The following FOXN2 variants were observed in gnomAD, a reference collection of about 807,000 sequenced individuals.
FOXN2 encodes the protein forkhead box N2.
In FOXN2, 19 loss-of-function variants were observed where a neutral mutation model predicts 41.2. That is an observed-to-expected ratio of 0.46 (90% CI 0.32 to 0.68). The LOEUF is 0.68. Among genes scored for constraint, FOXN2 ranks in the 30% least tolerant of loss-of-function variants. The probability of loss-of-function intolerance (pLI) is 0.03; values close to 1 mark genes in which losing one functional copy is unlikely to be tolerated. For missense variants in FOXN2, 587 were observed against 509.4 expected (o/e 1.15, Z -1.47); for synonymous variants, 195 against 176.8 (o/e 1.10, Z -0.82).
intron 2 of FOXN2, among the ~76,000 whole-genome samples, chr2:48,336,760 CAA>C (rs1670389592): frequency 2.0e-5 from 3 of 150,958 alleles, no homozygotes; most frequent in Admixed American, 1.3e-4. Context: ...TACAAGGAAA[CAA>C]AGGAAAATGT....
At chr2:48,339,796 C>T (rs6545034) in intron 2 of FOXN2, among the ~76,000 whole-genome samples, 65,557 of 151,620 alleles carry the variant, frequency 0.43, 14,363 homozygotes, top group East Asian at 0.52. Flanking sequence ...AGAGAAATTT[C>T]TGACACTTGT....
At chr2:48,335,004 C>T (rs978927396) in intron 2 of FOXN2, among the ~76,000 whole-genome samples, 5 of 152,092 alleles carry the variant, frequency 3.3e-5, no homozygotes, top group African/African-American at 1.2e-4. Context: ...TTACTACTCC[C>T]AAGGGCCTGA....
In FOXN2 at chr2:48,375,743, T is replaced by C. The variant is rs1673214222; in HGVS notation, c.*300T>C. ...CTGTCTTAAACTTGTGGGACAAAAA[T>C]CCTTTCTTCTGTTAATATGTCAGAA... On this transcript the variant is annotated 3_prime_UTR_variant, in exon 7 of 7. Coordinates refer to ENST00000340553, the MANE Select transcript of FOXN2 (RefSeq NM_002158.4). The C allele has an allele frequency of 4.4e-6, 1 of 228,952 alleles. No homozygotes were observed. The highest frequency in any genetic ancestry group is 2.3e-5 in the African/African-American group (1 of 44,172). 14.2% of individuals were successfully genotyped at this position (228,952 alleles called of 1,614,324 possible).
chr2:48,376,589 TAAC>T lies in FOXN2; in HGVS notation c.*1150_*1152del, dbSNP rs1486553099. Reference sequence around the variant, plus strand: ...AATACACCTTTTTGAGGAGGCAGTGTAACAACCTATAGTGCCATTGATCCATGA... The same window carrying T: ...AATACACCTTTTTGAGGAGGCAGTGTAACCTATAGTGCCATTGATCCATGA... On this transcript the variant is annotated 3_prime_UTR_variant, in exon 7 of 7. Transcript: ENST00000340553. The T allele has an allele frequency of 3.3e-5, 5 of 152,516 alleles. No individual in the cohort carries two copies. The highest frequency in any genetic ancestry group is 7.4e-5 in the Non-Finnish European group (5 of 67,938). 9.4% of individuals were successfully genotyped at this position (152,516 alleles called of 1,614,324 possible). A position where few individuals can be genotyped will look rare whatever the true frequency, so the allele number is the denominator to read the frequency against.
intron 2 of FOXN2, among the ~76,000 whole-genome samples, chr2:48,337,014 A>G (rs935248631): frequency 6.6e-5 from 10 of 151,916 alleles, no homozygotes; most frequent in African/African-American, 1.9e-4. Flanking sequence ...ATTATTGACT[A>G]TAGTCACCCT....
At chr2:48,338,120 A>T (rs1164760358) in intron 2 of FOXN2, among the ~76,000 whole-genome samples, 1 of 152,224 alleles carries the variant, frequency 6.6e-6, no homozygotes, top group African/African-American at 2.4e-5. Flanking sequence ...CTGTTATAAT[A>T]CCAACTCAGT....
At chr2:48,357,756 T>C (rs1671898495) in intron 3 of FOXN2, among the ~76,000 whole-genome samples, 1 of 151,876 alleles carries the variant, frequency 6.6e-6, no homozygotes, top group Non-Finnish European at 1.5e-5. Flanking sequence ...ATTTTTTTCC[T>C]TGTCATCAAA....
At position 48,377,998 on chromosome 2, in the gene FOXN2, CAT is replaced by C. The variant is rs1558647764; in HGVS notation, c.*2556_*2557del. ...CAACTTAGAAACTCCAAGGAGGTTA[CAT>C]GTTTTCCAACATATCCTAAAAACTG... is the stretch of plus-strand genomic sequence containing the variant. On this transcript the variant is annotated 3_prime_UTR_variant, in exon 7 of 7. Coordinates refer to ENST00000340553, the MANE Select transcript of FOXN2 (RefSeq NM_002158.4). The C allele has an allele frequency of 6.6e-6, 1 of 152,098 alleles. No homozygotes were observed. Among genetic ancestry groups the C allele is most frequent in the Non-Finnish European group, 1.5e-5 (1 of 67,904 alleles). 9.4% of individuals were successfully genotyped at this position (152,098 alleles called of 1,614,324 possible).
chr2:48,351,431 G>A (rs1301655062), intron 3 of FOXN2, among the ~76,000 whole-genome samples: 2 of 152,156 alleles, frequency 1.3e-5, no homozygotes, highest in Non-Finnish European at 2.9e-5. Flanking sequence ...TATCATAATA[G>A]CAACATGAAC....
intron 2 of FOXN2, among the ~76,000 whole-genome samples, chr2:48,334,277 C>G (rs932408605): frequency 6.6e-6 from 1 of 152,106 alleles, no homozygotes; most frequent in Non-Finnish European, 1.5e-5. Flanking sequence ...ATTTGCAACA[C>G]TTGTGTGGCC....
intron 2 of FOXN2, among the ~76,000 whole-genome samples, chr2:48,344,901 G>A (rs982199357): frequency 4.1e-5 from 6 of 148,128 alleles, no homozygotes; most frequent in South Asian, 4.2e-4. Context: ...GATAATAGTC[G>A]GTTTTTCACT....
chr2:48,314,978 T>C (rs890536114), intron 1 of FOXN2, among the ~76,000 whole-genome samples, 164 bp downstream of exon 1: 4 of 152,004 alleles, frequency 2.6e-5, no homozygotes, highest in Non-Finnish European at 5.9e-5. Context: ...GTGAGGAATT[T>C]GCGCCGGCGC....
intron 1 of FOXN2, among the ~76,000 whole-genome samples, chr2:48,318,832 A>T (rs983614930): frequency 6.6e-6 from 1 of 152,230 alleles, no homozygotes; most frequent in African/African-American, 2.4e-5. Context: ...TGATTTCGTT[A>T]ACAGTTTATA....
At chr2:48,346,149 C>T in intron 2 of FOXN2, 52 bp from the exon 3 acceptor site, 3 of 1,463,702 alleles carry the variant, frequency 2.0e-6, no homozygotes, top group Admixed American at 2.4e-5. Flanking sequence ...TTCTTTTTCC[C>T]AGAGTTTAAG....
rs144967977 is a variant in FOXN2 at position 48,371,457 on chromosome 2, A to G, written c.704-1835A>G. Among the ~76,000 whole-genome samples the G allele has an allele frequency of 3.1e-3, 463 of 151,266 alleles. 2 individuals are homozygous for G. The highest frequency in any genetic ancestry group is 0.01 in the African/African-American group (427 of 41,294). On this transcript the variant is annotated intron_variant, in intron 5 of 6. Coordinates refer to ENST00000340553, the MANE Select transcript of FOXN2 (RefSeq NM_002158.4). ...ATGTCCAGGTTCTCTATTCTGTTCC[A>G]TTGGTCTATGTGTCTTATTTTTATG...
At chr2:48,361,615 A>G (rs928147020) in intron 4 of FOXN2, among the ~76,000 whole-genome samples, 4 of 152,188 alleles carry the variant, frequency 2.6e-5, no homozygotes, top group African/African-American at 4.8e-5. Context: ...TAGCCCTTGC[A>G]TATAAGAATT....
In FOXN2 at chr2:48,362,644, G is replaced by C; in HGVS notation, c.640G>C (p.Gly214Arg). ...TTTGCTTTTCTGTTTGTTTTTCAGT[G>C]GTTCTTTATCACCTCACTATTTAAG... ...QPFSSASSQNGSLSPHYLSSV... is the reference protein window; with the variant it reads ...QPFSSASSQNRSLSPHYLSSV... Residue 214 changes from glycine (G) to arginine (R), a missense_variant and splice_region_variant, in exon 5 of 7, where the codon GGT (glycine) becomes CGT (arginine). Gly to Arg is a moderately radical substitution (Grantham distance 125). Coordinates refer to ENST00000340553, the MANE Select transcript of FOXN2 (RefSeq NM_002158.4). The C allele has an allele frequency of 6.2e-7, 1 of 1,613,136 alleles. No individual in the cohort carries two copies. The highest frequency in any genetic ancestry group is 1.7e-4 in the Middle Eastern group (1 of 6,058).
chr2:48,337,629 A>G (rs770321615), intron 2 of FOXN2, among the ~76,000 whole-genome samples: 44 of 151,992 alleles, frequency 2.9e-4, no homozygotes, highest in Admixed American at 3.9e-4. Context: ...TTTCGTGTGT[A>G]TATGCACCAC....
At chr2:48,324,977 G>C (rs536038402) in intron 1 of FOXN2, among the ~76,000 whole-genome samples, 1 of 152,198 alleles carries the variant, frequency 6.6e-6, no homozygotes, top group Non-Finnish European at 1.5e-5. Context: ...AGACAATCCA[G>C]TTGTTAGAAT....
Sources: gnomAD v4.1 joint callset for allele counts (sites outside exome capture counted in the v4.1 genomes callset) on GRCh38, gnomAD v4.1.1 for gene constraint, MANE v1.5 for transcripts, NCBI Gene and HGNC (gene_info 2026-07-23, HGNC 2026-07-21) for gene names.